The following TMPRSS15 variants were observed in gnomAD, a reference collection of about 807,000 sequenced individuals.
The protein encoded by TMPRSS15 is enteropeptidase.
TMPRSS15 carries 128 observed loss-of-function variants against 125.3 expected under a neutral mutation model. That is an observed-to-expected ratio of 1.02 (90% confidence interval 0.89 to 1.18). The LOEUF is 1.18. Among genes scored for constraint, TMPRSS15 ranks in the 50% most tolerant of loss-of-function variants. TMPRSS15 has a pLI of 0.00. For synonymous variants in TMPRSS15, 446 were observed against 423.2 expected (o/e 1.05, Z -0.66); for missense variants, 1,283 against 1,212.7 (o/e 1.06, Z -0.86).
chr21:18,372,228 C>G lies in TMPRSS15; in HGVS notation c.629G>C (p.Cys210Ser). ...ATTGTCTTCGTCAGAACCATCTGGA[C>G]AGTTTACTTCTCCATCACAAAATAA... is the stretch of plus-strand genomic sequence containing the variant. The part of the protein sequence containing the change: ...ADLFCDGEVN[C>S]PDGSDEDNKM... The change falls in exon 6 of 25, where the codon TGT (cysteine) becomes TCT (serine). Residue 210 changes from cysteine to serine, a missense_variant. Physicochemically the swap from Cys to Ser is moderately radical, Grantham distance 112. Coordinates refer to ENST00000284885, the MANE Select transcript of TMPRSS15 (RefSeq NM_002772.3). The G allele has an allele frequency of 6.2e-7, 1 of 1,611,884 alleles. No individual in the cohort carries two copies. Among genetic ancestry groups the G allele is most frequent in the African/African-American group, 1.3e-5 (1 of 74,744 alleles).
intron 8 of TMPRSS15, among the ~76,000 whole-genome samples, chr21:18,358,526 AT>A (rs527512850): frequency 1.9e-4 from 29 of 150,718 alleles, no homozygotes; most frequent in East Asian, 1.6e-3. Context: ...TGGTTGGCCC[AT>A]TTTTTTTTAA....
chr21:18,397,628 C>T (rs1433083037), intron 3 of TMPRSS15, among the ~76,000 whole-genome samples: 1 of 152,112 alleles, frequency 6.6e-6, no homozygotes, highest in Non-Finnish European at 1.5e-5. Context: ...TGCATCTGTA[C>T]CCTCTCCATG....
intron 1 of TMPRSS15, among the ~76,000 whole-genome samples, chr21:18,446,082 T>C (rs2076255309): frequency 6.6e-6 from 1 of 152,134 alleles, no homozygotes; most frequent in Non-Finnish European, 1.5e-5. Context: ...CAAACCACTG[T>C]TAGAAGTGAT....
chr21:18,424,228 C>T (rs2076198111), intron 1 of TMPRSS15, among the ~76,000 whole-genome samples: 2 of 152,158 alleles, frequency 1.3e-5, no homozygotes, highest in Non-Finnish European at 2.9e-5. Context: ...AAATCATCAC[C>T]TCTGCTAACT....
chr21:18,472,452 G>C (rs1211637460), intron 1 of TMPRSS15, among the ~76,000 whole-genome samples: 1 of 78,660 alleles, frequency 1.3e-5, no homozygotes, highest in Admixed American at 1.7e-4. Flanking sequence ...AAAGCTAAAA[G>C]AATTATATAT....
chr21:18,343,368 GT>G (rs2075468698), intron 12 of TMPRSS15, 137 bp downstream of exon 12: 1 of 757,996 alleles, frequency 1.3e-6, no homozygotes, highest in Non-Finnish European at 2.1e-6. Context: ...AAGGTAAAAT[GT>G]GAGGTAGATT....
At chr21:18,455,448 T>A (rs1014134807) in intron 1 of TMPRSS15, among the ~76,000 whole-genome samples, 6 of 152,186 alleles carry the variant, frequency 3.9e-5, no homozygotes, top group African/African-American at 1.4e-4. Context: ...TAGAGTTACA[T>A]GAAAAACATA....
At chr21:18,442,779 T>C (rs566234202) in intron 1 of TMPRSS15, among the ~76,000 whole-genome samples, 1 of 152,350 alleles carries the variant, frequency 6.6e-6, no homozygotes, top group East Asian at 1.9e-4. Flanking sequence ...ACTTTTATTA[T>C]GATGATTTCA....
rs765120268 is a variant in TMPRSS15, at chr21:18,313,055, C to T, written c.2055G>A (p.Thr685=). The T allele has an allele frequency of 1.9e-5, 31 of 1,613,630 alleles. No individual in the cohort carries two copies. In the Admixed American group the frequency reaches 2.7e-4, roughly 14 times the overall value. Residue 685 remains threonine, a synonymous_variant, in exon 18 of 25, where the codon ACG becomes ACA. Coordinates refer to ENST00000284885, the MANE Select transcript of TMPRSS15 (RefSeq NM_002772.3). ...ADCVRFFNGT[T]NNNGLVRFRI... is the part of the protein sequence containing the mutation. Reference sequence around the variant, plus strand: ...TGAACCGCACTAAACCATTGTTGTTCGTTGTGCCATTGAAAAAACGCACTA... The same window carrying T: ...TGAACCGCACTAAACCATTGTTGTTTGTTGTGCCATTGAAAAAACGCACTA...
chr21:18,394,859 CACTCTG>C (rs1281228385), intron 3 of TMPRSS15, among the ~76,000 whole-genome samples: 1 of 152,152 alleles, frequency 6.6e-6, no homozygotes, highest in African/African-American at 2.4e-5. Context: ...TAACTCATTC[CACTCTG>C]ACTTTCTGAG....
chr21:18,403,676 C>T lies in TMPRSS15; in HGVS notation c.-54G>A. 1.2e-6 allele frequency: 2 copies of T among 1,609,514 alleles called. No individual in the cohort carries two copies. Among genetic ancestry groups the T allele is most frequent in the Non-Finnish European group, 1.7e-6 (2 of 1,176,758 alleles). On this transcript the variant is annotated 5_prime_UTR_variant, in exon 1 of 25. Transcript: ENST00000284885. ...GAACTGAAAGAGAATATAAATAATTCTACCAACTGAAGAGAAAAATCTCTC... is the reference window on the plus strand; with the variant it reads ...GAACTGAAAGAGAATATAAATAATTTTACCAACTGAAGAGAAAAATCTCTC...
intron 17 of TMPRSS15, among the ~76,000 whole-genome samples, chr21:18,314,826 T>C (rs2075144082): frequency 6.6e-6 from 1 of 152,014 alleles, no homozygotes; most frequent in African/African-American, 2.4e-5. Context: ...CAGTAGCCAA[T>C]ATGAGTGGTG....
rs2074525595 is a variant in TMPRSS15 at position 18,269,323 on chromosome 21, T to TATAC, written c.*642_*645dup. On this transcript the variant is annotated 3_prime_UTR_variant, in exon 25 of 25. Coordinates refer to ENST00000284885, the MANE Select transcript of TMPRSS15 (RefSeq NM_002772.3). ...AAATAAATAGGTAAAATTTATCTAA[T>TATAC]ATACAATGACTATATCAGTTAATTT... The TATAC allele has an allele frequency of 6.6e-6, 1 of 152,262 alleles. No individual in the cohort carries two copies. Among genetic ancestry groups the TATAC allele is most frequent in the African/African-American group, 2.4e-5 (1 of 41,474 alleles). The allele number at this position is 152,262 out of a possible 1,614,324, so 9.4% of individuals were successfully genotyped here.
chr21:18,304,261 A>G (rs1007848675), intron 18 of TMPRSS15, among the ~76,000 whole-genome samples: 1 of 151,720 alleles, frequency 6.6e-6, no homozygotes, highest in Non-Finnish European at 1.5e-5. Context: ...GTTGTTTGAT[A>G]TGTGTGTGTG....
At chr21:18,471,398 A>G (rs1978777726) in intron 1 of TMPRSS15, among the ~76,000 whole-genome samples, 1 of 152,020 alleles carries the variant, frequency 6.6e-6, no homozygotes, top group Non-Finnish European at 1.5e-5. Context: ...AGCCAAATAC[A>G]AGTTAATGGT....
intron 21 of TMPRSS15, among the ~76,000 whole-genome samples, chr21:18,282,198 G>A (rs1046344142): frequency 2.0e-5 from 3 of 151,420 alleles, no homozygotes; most frequent in South Asian, 2.1e-4. Flanking sequence ...TACAATGTTG[G>A]CCATCTATAA....
chr21:18,328,305 G>T (rs1362197916), intron 15 of TMPRSS15, among the ~76,000 whole-genome samples: 2 of 151,886 alleles, frequency 1.3e-5, no homozygotes, highest in African/African-American at 4.8e-5. Context: ...GCATTCTCAG[G>T]TACCTACACA....
At chr21:18,292,593 T>C (rs76179888) in intron 21 of TMPRSS15, among the ~76,000 whole-genome samples, 1,763 of 152,292 alleles carry the variant, frequency 0.012, 25 homozygotes, top group African/African-American at 0.039. Context: ...GCGAGCCTGA[T>C]TGATGTTTAG....
intron 3 of TMPRSS15, among the ~76,000 whole-genome samples, chr21:18,388,037 T>C (rs889629552): frequency 3.9e-5 from 6 of 152,162 alleles, no homozygotes; most frequent in Admixed American, 3.9e-4. Flanking sequence ...ATTGTTACTC[T>C]CTCTCCTGCT....
Sources: allele counts gnomAD v4.1 joint callset (sites outside exome capture counted in the v4.1 genomes callset), GRCh38; gene constraint gnomAD v4.1.1; transcripts MANE v1.5; gene names NCBI Gene and HGNC (gene_info 2026-07-23, HGNC 2026-07-21).